CNGB1: variants seen among roughly 807,000 people sequenced by gnomAD.
The protein encoded by CNGB1 is cyclic nucleotide-gated channel beta-1.
In CNGB1, 126 loss-of-function variants were observed where a neutral mutation model predicts 151.7. That is an observed-to-expected ratio of 0.83 (90% CI 0.72 to 0.96). CNGB1 has a LOEUF of 0.96. Among genes scored for constraint, CNGB1 ranks in the 40% least tolerant of loss-of-function variants. The pLI is 0.00. For missense variants in CNGB1, 1,698 were observed against 1,627.0 expected (o/e 1.04, Z -0.75); for synonymous variants, 623 against 635.1 (o/e 0.98, Z 0.29).
At chr16:57,955,420 A>T in intron 12 of CNGB1, 1 of 1,434,652 alleles carries the variant, frequency 7.0e-7, no homozygotes. Context: ...GGCGGAGGGA[A>T]TGAGTGAGTG....
At chr16:57,889,767 G>A (rs1004035651) in intron 31 of CNGB1, among the ~76,000 whole-genome samples, 3 of 152,088 alleles carry the variant, frequency 2.0e-5, no homozygotes, top group East Asian at 1.9e-4. Context: ...GCTAAGAAGC[G>A]GCAAAGCTAG....
At chr16:57,902,680 A>G (rs977167378) in intron 27 of CNGB1, among the ~76,000 whole-genome samples, 4 of 151,818 alleles carry the variant, frequency 2.6e-5, no homozygotes, top group Non-Finnish European at 5.9e-5. Context: ...CACAATCACA[A>G]CTCACTGCAG....
Position 57,911,744 on chromosome 16 carries a change from G to C in CNGB1, c.2492+9C>G, listed in dbSNP as rs1229006765. The C allele has an allele frequency of 6.2e-7, 1 of 1,613,788 alleles. No homozygotes were observed. The highest frequency in any genetic ancestry group is 8.5e-7 in the Non-Finnish European group (1 of 1,179,796). ...CAGGCATGGCCCCAGGGGGAGGACTGTGGCTCACCTGTTTCCCACGCCATC... is the reference window on the plus strand; with the variant it reads ...CAGGCATGGCCCCAGGGGGAGGACTCTGGCTCACCTGTTTCCCACGCCATC... On this transcript the variant is annotated intron_variant, in intron 25 of 32. Transcript: ENST00000251102.
chr16:57,925,441 A>T (rs1403470442), intron 17 of CNGB1, among the ~76,000 whole-genome samples: 1 of 152,252 alleles, frequency 6.6e-6, no homozygotes, highest in Non-Finnish European at 1.5e-5. Flanking sequence ...CAGCAAGAGA[A>T]ACTTGGCTGT....
chr16:57,962,141 C>A (rs1224749347), intron 7 of CNGB1, among the ~76,000 whole-genome samples: 2 of 152,158 alleles, frequency 1.3e-5, no homozygotes, highest in Non-Finnish European at 2.9e-5. Context: ...AGTCTGCCAC[C>A]CTTACTGATG....
chr16:57,961,670 G>GAA (rs1567398211), intron 7 of CNGB1, among the ~76,000 whole-genome samples: 4 of 140,670 alleles, frequency 2.8e-5, no homozygotes, highest in East Asian at 4.4e-4. Flanking sequence ...GAATGAATGA[G>GAA]TGAATGAAGT....
intron 17 of CNGB1, among the ~76,000 whole-genome samples, chr16:57,927,845 A>G (rs1961233965): frequency 6.6e-6 from 1 of 152,242 alleles, no homozygotes; most frequent in African/African-American, 2.4e-5. Context: ...TGGATCCCCT[A>G]ATGGGCTTTG....
chr16:57,901,695 T>G, intron 27 of CNGB1, 70 bp from the exon 28 acceptor site: 1 of 1,286,992 alleles, frequency 7.8e-7, no homozygotes, highest in Non-Finnish European at 1.1e-6. Context: ...ACCGGCCAAG[T>G]GCCCACCTAC....
At chr16:57,940,823 A>G (rs2149376904) in intron 14 of CNGB1, among the ~76,000 whole-genome samples, 1 of 152,188 alleles carries the variant, frequency 6.6e-6, no homozygotes, top group East Asian at 1.9e-4. Flanking sequence ...CAAACCTCAA[A>G]CCCAGGCCCT....
chr16:57,932,470 T>C (rs1961381524), intron 16 of CNGB1, among the ~76,000 whole-genome samples: 1 of 148,870 alleles, frequency 6.7e-6, no homozygotes, highest in Admixed American at 6.8e-5. Flanking sequence ...TGGTGCAATC[T>C]CAGTTCACCC....
chr16:57,936,559 G>A (rs771785464), intron 16 of CNGB1, among the ~76,000 whole-genome samples: 1 of 152,192 alleles, frequency 6.6e-6, no homozygotes, highest in Non-Finnish European at 1.5e-5. Context: ...TTGGGAGGCC[G>A]AGGTGGGCAG....
In CNGB1 at chr16:57,962,853, G is replaced by A; in HGVS notation, c.401C>T (p.Thr134Ile). Residue 134 changes from threonine (T) to isoleucine (I), a missense_variant, in exon 6 of 33, where the codon ACT becomes ATT. Transcript: ENST00000251102. ...DPAQILGHGSTGDTGCTDEPN... is the reference protein window; with the variant it reads ...DPAQILGHGSIGDTGCTDEPN... Reference sequence around the variant, plus strand: ...CCCCTTGTTCTTACCTGTGTCCCCAGTGCTGCCATGCCCCAGGATCTGCCA... The same window carrying A: ...CCCCTTGTTCTTACCTGTGTCCCCAATGCTGCCATGCCCCAGGATCTGCCA... 6.2e-7 allele frequency: 1 copy of A among 1,612,748 alleles called. No homozygotes were observed. Among genetic ancestry groups the A allele is most frequent in the South Asian group, 1.1e-5 (1 of 91,086 alleles).
At chr16:57,925,259 T>A (rs1961153335) in intron 17 of CNGB1, among the ~76,000 whole-genome samples, 1 of 152,094 alleles carries the variant, frequency 6.6e-6, no homozygotes, top group African/African-American at 2.4e-5. Context: ...TGCCTCAGCC[T>A]TCCAAAGTGC....
chr16:57,916,242 C>A, intron 21 of CNGB1, 63 bp from the exon 22 acceptor site: 1 of 1,519,752 alleles, frequency 6.6e-7, no homozygotes, highest in Non-Finnish European at 9.1e-7. Context: ...CCCTGTGGAG[C>A]AATTGTGAAA....
intron 18 of CNGB1, chr16:57,923,049 C>T (rs1352413101): frequency 2.3e-5 from 10 of 427,906 alleles, no homozygotes; most frequent in Non-Finnish European, 3.1e-5. Context: ...CACTGCTGGC[C>T]GTGGACACAG....
Position 57,940,217 on chromosome 16 carries a change from C to T in CNGB1, c.1209+17G>A, listed in dbSNP as rs372846873. The T allele has an allele frequency of 5.4e-5, 84 of 1,556,684 alleles. No individual in the cohort carries two copies. The African/African-American group carries it at 1.1e-3, about 20-fold the overall frequency. On this transcript the variant is annotated intron_variant, in intron 15 of 32. Coordinates refer to ENST00000251102, the MANE Select transcript of CNGB1 (RefSeq NM_001297.5). The stretch of plus-strand genomic sequence containing the variant: ...AAGCCAGGCCTCAGAGGTGCCAGTG[C>T]CTGGTGCTTCTCATACCTGATCTGA...
intron 12 of CNGB1, among the ~76,000 whole-genome samples, chr16:57,951,013 C>A (rs949588846): frequency 6.6e-6 from 1 of 152,182 alleles, no homozygotes; most frequent in African/African-American, 2.4e-5. Flanking sequence ...GGTGACAGCA[C>A]GCCCATACGT....
chr16:57,897,258 C>T, intron 31 of CNGB1, 139 bp downstream of exon 31: 1 of 885,912 alleles, frequency 1.1e-6, no homozygotes, highest in Non-Finnish European at 1.7e-6. Context: ...GTCATGATCA[C>T]TCCACTGCAC....
At chr16:57,949,579 G>T (rs1961898662) in intron 13 of CNGB1, 140 bp from the exon 14 acceptor site, 1 of 1,393,182 alleles carries the variant, frequency 7.2e-7, no homozygotes, top group Non-Finnish European at 1.0e-6. Context: ...AACCTGGGGA[G>T]CCCCACCCGA....
Sources: allele counts gnomAD v4.1 joint callset (sites outside exome capture counted in the v4.1 genomes callset), GRCh38; gene constraint gnomAD v4.1.1; transcripts MANE v1.5; gene names NCBI Gene and HGNC (gene_info 2026-07-23, HGNC 2026-07-21).